NFASC: variants seen among roughly 807,000 people sequenced by gnomAD.
NFASC encodes the protein neurofascin.
NFASC carries 43 observed loss-of-function variants against 147.5 expected under a neutral mutation model. That is an observed-to-expected ratio of 0.29 (90% confidence interval 0.23 to 0.38). The LOEUF (loss-of-function observed/expected upper bound fraction) is 0.38. Among genes scored for constraint, NFASC ranks in the 10% least tolerant of loss-of-function variants. The probability of loss-of-function intolerance (pLI) is 1.00; values close to 1 mark genes in which losing one functional copy is unlikely to be tolerated. For synonymous variants in NFASC, 622 were observed against 665.5 expected (o/e 0.93, Z 1.01); for missense variants, 1,320 against 1,689.0 (o/e 0.78, Z 3.83).
chr1:204,843,613 T>G, intron 1 of NFASC, among the ~76,000 whole-genome samples: 1 of 89,294 alleles, frequency 1.1e-5, no homozygotes, highest in East Asian at 5.4e-4. Flanking sequence ...CCTTCCTTCC[T>G]TCCTTCCTTC....
intron 4 of NFASC, 136 bp downstream of exon 4, chr1:204,950,710 T>A: frequency 1.3e-6 from 1 of 792,870 alleles, no homozygotes; most frequent in Non-Finnish European, 2.2e-6. Flanking sequence ...TAGTGAGGTA[T>A]CTTACTGCGG....
intron 1 of NFASC, among the ~76,000 whole-genome samples, chr1:204,869,116 G>A (rs1306570591): frequency 6.6e-6 from 1 of 152,192 alleles, no homozygotes; most frequent in Non-Finnish European, 1.5e-5. Flanking sequence ...CTGTGAAAAG[G>A]CCAGATGGGG....
At chr1:204,906,457 C>T (rs1016897931) in intron 1 of NFASC, among the ~76,000 whole-genome samples, 1 of 152,130 alleles carries the variant, frequency 6.6e-6, no homozygotes, top group African/African-American at 2.4e-5. Flanking sequence ...AAATGAGATC[C>T]TACAGTATTG....
In NFASC at chr1:204,995,101, C is replaced by T. The variant is rs372624586; in HGVS notation, c.2783-2069C>T. Among the ~76,000 whole-genome samples the T allele has an allele frequency of 4.3e-4, 65 of 152,238 alleles. 1 individual carries two copies. The highest frequency in any genetic ancestry group is 1.6e-3 in the African/African-American group (65 of 41,540). ...CACCACTACACTCCAGCCTGGGTGA[C>T]AGAGCAAGATCCCGTCTCAATTAAA... On this transcript the variant is annotated intron_variant, in intron 24 of 29. Transcript: ENST00000339876.
chr1:204,876,383 G>A (rs1178011667), intron 1 of NFASC, among the ~76,000 whole-genome samples: 1 of 151,922 alleles, frequency 6.6e-6, no homozygotes, highest in African/African-American at 2.4e-5. Flanking sequence ...CCAAAATTTT[G>A]CCATTATGAT....
Position 204,968,683 on chromosome 1 carries a change from T to C in NFASC, c.819-115T>C. ...AGGAAAGATCAGCTTTTAGAGGACA[T>C]GCATCCTCCTGGGCCCAAGTATACT... is the stretch of plus-strand genomic sequence containing the variant. On this transcript the variant is annotated intron_variant, in intron 9 of 29. Coordinates refer to ENST00000339876, the MANE Select transcript of NFASC (RefSeq NM_001005388.3). The surrounding 1 kb of genome is among the most constrained non-coding windows in gnomAD (Gnocchi z 5.4). 1.1e-6 allele frequency: 1 copy of C among 878,402 alleles called. No homozygotes were observed. Among genetic ancestry groups the C allele is most frequent in the Non-Finnish European group, 1.7e-6 (1 of 579,238 alleles). The allele number at this position is 878,402 out of a possible 1,614,324, so 54.4% of individuals were successfully genotyped here. A position where few individuals can be genotyped will look rare whatever the true frequency, so the allele number is the denominator to read the frequency against.
chr1:204,984,737 C>T (rs539479883), intron 21 of NFASC, among the ~76,000 whole-genome samples: 1 of 152,258 alleles, frequency 6.6e-6, no homozygotes, highest in Admixed American at 6.5e-5. Context: ...TCTCTTGGTC[C>T]TCCCTGCCTG....
intron 2 of NFASC, among the ~76,000 whole-genome samples, chr1:204,924,624 AT>A (rs2091162507): frequency 6.6e-6 from 1 of 152,110 alleles, no homozygotes; most frequent in Admixed American, 6.5e-5. Context: ...CTGGCCTGGG[AT>A]TTTATAGGAG....
rs900141868 is a variant in NFASC, at chr1:205,005,948, GAGGA to G, written c.3289+3207_3289+3210del. Among the ~76,000 whole-genome samples, 9 of 152,190 alleles carry G rather than the reference GAGGA, an allele frequency of 5.9e-5. No homozygotes were observed. The South Asian group carries it at 1.2e-3, about 21-fold the overall frequency. On this transcript the variant is annotated intron_variant, in intron 27 of 29. Coordinates refer to ENST00000339876, the MANE Select transcript of NFASC (RefSeq NM_001005388.3). ...CTGGAATGATGACTTTCTTTCCCAAGAGGAAGGAAGTCTTGTGGAGACAGCTGTC... is the reference window on the plus strand; with the variant it reads ...CTGGAATGATGACTTTCTTTCCCAAGAGGAAGTCTTGTGGAGACAGCTGTC...
chr1:204,936,085 C>T (rs2092797262), intron 2 of NFASC, among the ~76,000 whole-genome samples: 1 of 152,122 alleles, frequency 6.6e-6, no homozygotes, highest in Non-Finnish European at 1.5e-5. Context: ...ACCTGTTCTC[C>T]TCCTGCCCAA....
At chr1:204,909,920 T>A (rs2149313091) in intron 1 of NFASC, among the ~76,000 whole-genome samples, 1 of 152,230 alleles carries the variant, frequency 6.6e-6, no homozygotes, top group East Asian at 1.9e-4. Flanking sequence ...GGTTTTTTTT[T>A]TAATTATGTT....
At chr1:204,896,610 A>G (rs911554758) in intron 1 of NFASC, among the ~76,000 whole-genome samples, 2 of 152,158 alleles carry the variant, frequency 1.3e-5, no homozygotes, top group Non-Finnish European at 2.9e-5. Context: ...AGGGTCTCTC[A>G]TTCATTTGTT....
At chr1:204,890,536 G>A (rs1251934564) in intron 1 of NFASC, among the ~76,000 whole-genome samples, 2 of 151,872 alleles carry the variant, frequency 1.3e-5, no homozygotes, top group African/African-American at 4.8e-5. Context: ...GAAAAAGGAT[G>A]CCTGGTGTCT....
chr1:204,977,119 C>A, intron 16 of NFASC: 2 of 1,172,908 alleles, frequency 1.7e-6, no homozygotes, highest in Non-Finnish European at 2.1e-6. Flanking sequence ...ACCACTAAGT[C>A]AATTAAAACA....
At chr1:204,946,791 C>T (rs556562299) in intron 3 of NFASC, 293 of 513,472 alleles carry the variant, frequency 5.7e-4, no homozygotes, top group African/African-American at 2.0e-3. Context: ...CCCACCATCC[C>T]TGGGCTGCCA....
At chr1:204,861,031 G>T in intron 1 of NFASC, among the ~76,000 whole-genome samples, 1 of 136,240 alleles carries the variant, frequency 7.3e-6, no homozygotes, top group African/African-American at 2.8e-5. Context: ...GAATAGTGTT[G>T]CTATGAACAT....
intron 16 of NFASC, 124 bp from the exon 17 acceptor site, chr1:204,977,556 GC>G: frequency 1.3e-6 from 1 of 765,342 alleles, no homozygotes; most frequent in Non-Finnish European, 2.1e-6. Context: ...GACGGGGACA[GC>G]CCTGCCTAGA....
At chr1:204,957,250 C>A (rs574401209) in intron 7 of NFASC, among the ~76,000 whole-genome samples, 1 of 152,172 alleles carries the variant, frequency 6.6e-6, no homozygotes, top group South Asian at 2.1e-4. Context: ...AGATCATGGT[C>A]CCTGGCCTCT....
intron 21 of NFASC, chr1:204,985,929 G>A (rs767429009): frequency 1.2e-6 from 2 of 1,613,202 alleles, no homozygotes; most frequent in South Asian, 1.1e-5. Flanking sequence ...TGGAGGGAGA[G>A]CAGCTTGCTG....
Sources: allele counts gnomAD v4.1 joint callset (sites outside exome capture counted in the v4.1 genomes callset), GRCh38; gene constraint gnomAD v4.1.1; non-coding constraint Gnocchi (gnomAD v3.1); transcripts MANE v1.5; gene names NCBI Gene and HGNC (gene_info 2026-07-23, HGNC 2026-07-21).